Variants in PLEC observed in about 807,000 individuals in gnomAD.
PLEC encodes the protein hemidesmosomal protein 1.
In PLEC, 216 loss-of-function variants were observed where a neutral mutation model predicts 392.8. The observed-to-expected ratio is 0.55, with a 90% CI of 0.49 to 0.62. The LOEUF (loss-of-function observed/expected upper bound fraction) is 0.62, where lower values mean the gene tolerates loss of function less well. PLEC is among the 20% of genes least tolerant of loss of function. The pLI, the probability that PLEC is intolerant of heterozygous loss-of-function variation, is 0.00. For missense variants in PLEC, 6,863 were observed against 6,563.4 expected (o/e 1.05, Z -1.58); for synonymous variants, 3,621 against 2,980.6 (o/e 1.21, Z -7.00).
At chr8:143,937,327 C>G in intron 3 of PLEC, 85 bp from the exon 4 acceptor site, 1 of 1,018,074 alleles carries the variant, frequency 9.8e-7, no homozygotes, top group Non-Finnish European at 1.5e-6. Flanking sequence ...CCGCAGCAAC[C>G]GAGCCAAGGG....
At position 143,929,158 on chromosome 8, in the gene PLEC, G is replaced by C; in HGVS notation, c.3205C>G (p.Leu1069Val). The stretch of plus-strand genomic sequence containing the variant: ...ACCTGCTCCAGCTTGCCCAGCGTCA[G>C]CTCCAGCTCCGAGCGCAGCGTGGGG... ...AAPTLRSELE[L>V]TLGKLEQVRS... Residue 1069 changes from leucine to valine, a missense_variant, in exon 25 of 32, where the codon CTG becomes GTG. Leu to Val is a conservative substitution (Grantham distance 32). Transcript: ENST00000345136. The C allele has an allele frequency of 6.3e-7, 1 of 1,593,026 alleles. No homozygotes were observed. Among genetic ancestry groups the C allele is most frequent in the Non-Finnish European group, 8.5e-7 (1 of 1,171,570 alleles).
chr8:143,922,408 A>T lies in PLEC; in HGVS notation c.7426-13T>A, dbSNP rs2131252283. ...GCACCGTCTGCATCTGCAGAAGAAG[A>T]GGGTGTGATCAGGGACCGCCAGCCC... On this transcript the variant is annotated splice_polypyrimidine_tract_variant and intron_variant, in intron 31 of 31. Transcript: ENST00000345136. 1 of 1,600,800 alleles carries T rather than the reference A, an allele frequency of 6.2e-7. No homozygotes were observed. The highest frequency in any genetic ancestry group is 8.5e-7 in the Non-Finnish European group (1 of 1,179,866).
chr8:143,966,831 C>A (rs151265784), intron 1 of PLEC, among the ~76,000 whole-genome samples: 1 of 152,154 alleles, frequency 6.6e-6, no homozygotes, highest in African/African-American at 2.4e-5. Flanking sequence ...CACAAGCCCA[C>A]GGCCAGACCC....
chr8:143,922,436 G>C, intron 31 of PLEC, 41 bp from the exon 32 acceptor site: 1 of 1,600,438 alleles, frequency 6.2e-7, no homozygotes, highest in Non-Finnish European at 8.5e-7. Context: ...GCCAGCCCAG[G>C]AGCACCCATC....
chr8:143,920,877 G>T lies in PLEC; in HGVS notation c.8944C>A (p.Pro2982Thr). 1 of 1,610,920 alleles carries T rather than the reference G, an allele frequency of 6.2e-7. No individual in the cohort carries two copies. Among genetic ancestry groups the T allele is most frequent in the Middle Eastern group, 1.6e-4 (1 of 6,062 alleles). Residue 2982 changes from proline (P) to threonine (T), a missense_variant, in exon 32 of 32, where the codon CCA (proline) becomes ACA (threonine). Physicochemically the swap from Pro to Thr is conservative, Grantham distance 38. Transcript: ENST00000345136. Reference sequence around the variant, plus strand: ...CTGCTCTCCAGCAGCTCGGCGGCTGGCACCAGGCTGCGCAGGCCCTCAAAG... The same window carrying T: ...CTGCTCTCCAGCAGCTCGGCGGCTGTCACCAGGCTGCGCAGGCCCTCAAAG... Reference protein sequence around the residue: ...LCFEGLRSLVPAAELLESRVI... With the variant: ...LCFEGLRSLVTAAELLESRVI...
intron 1 of PLEC, among the ~76,000 whole-genome samples, chr8:143,964,464 C>A (rs1266145796): frequency 6.6e-6 from 1 of 152,170 alleles, no homozygotes; most frequent in Non-Finnish European, 1.5e-5. Flanking sequence ...GAGGCCGACA[C>A]TGGAGTGATG....
rs1554694093 is a variant in PLEC at position 143,923,768 on chromosome 8, T to C, written c.6161A>G (p.His2054Arg). 1.3e-6 allele frequency: 2 copies of C among 1,566,388 alleles called. No individual in the cohort carries two copies. Among genetic ancestry groups the C allele is most frequent in the Non-Finnish European group, 8.6e-7 (1 of 1,163,910 alleles). Residue 2054 changes from histidine (H) to arginine (R), a missense_variant, in exon 31 of 32, where the codon CAC becomes CGC. Transcript: ENST00000345136. ...QKRLQAEEKA[H>R]AFAVQQKEQE... ...CTCCTTCTGCTGCACCGCGAAGGCG[T>C]GTGCCTTCTCTTCCGCCTGCAGCCG...
At position 143,918,317 on chromosome 8, in the gene PLEC, T is replaced by C. The variant is rs1554674808; in HGVS notation, c.11504A>G (p.Asp3835Gly). 8.8e-6 allele frequency: 14 copies of C among 1,589,280 alleles called. No individual in the cohort carries two copies. In the African/African-American group the frequency reaches 1.6e-4, roughly 18 times the overall value. The change falls in exon 32 of 32, where the codon GAC becomes GGC. Residue 3835 changes from aspartate to glycine, a missense_variant. Transcript: ENST00000345136. ...CACCTCGCTGGGCTCTGACAGCTGG[T>C]CGTGCGTGTCCTTGTTGAGGTAGCC... is the stretch of plus-strand genomic sequence containing the variant. ...QRGYLNKDTH[D>G]QLSEPSEVRS...
upstream of PLEC, among the ~76,000 whole-genome samples, chr8:143,952,303 T>A (rs1832273149): frequency 6.6e-6 from 1 of 152,168 alleles, no homozygotes; most frequent in Non-Finnish European, 1.5e-5. Context: ...CCCACAGCCC[T>A]CTGGCAGGGC....
rs372793843 is a variant in PLEC at position 143,918,778 on chromosome 8, G to A, written c.11043C>T (p.Ser3681=). Residue 3681 remains serine (S), a synonymous_variant, in exon 32 of 32, where the codon TCC becomes TCT. Coordinates refer to ENST00000345136, the MANE Select transcript of PLEC (RefSeq NM_201384.3). ...RSLREALEAE[S]AWCYLYGTGS... ...CCGTGCCATAGAGGTAGCACCAGGCGGACTCCGCCTCGAGAGCCTCACGGA... is the reference window on the plus strand; with the variant it reads ...CCGTGCCATAGAGGTAGCACCAGGCAGACTCCGCCTCGAGAGCCTCACGGA... 82 of 1,613,122 alleles carry A rather than the reference G, an allele frequency of 5.1e-5. No homozygotes were observed. Among genetic ancestry groups the A allele is most frequent in the African/African-American group, 1.9e-4 (14 of 75,072 alleles).
upstream of PLEC, among the ~76,000 whole-genome samples, chr8:143,941,484 C>T (rs1289571486): frequency 6.6e-6 from 1 of 152,078 alleles, no homozygotes; most frequent in African/African-American, 2.4e-5. Context: ...CAGACACGGA[C>T]TCGGGCAAGG....
chr8:143,935,457 G>C, intron 6 of PLEC, 144 bp from the exon 7 acceptor site: 1 of 705,610 alleles, frequency 1.4e-6, no homozygotes, highest in Non-Finnish European at 2.5e-6. Context: ...CTGTCACATG[G>C]GCAGAGCTGA....
In PLEC at chr8:143,935,033, ACGTCCGGCACGCGGGGCATGG is replaced by A. The variant is rs1469065650; in HGVS notation, c.782_802del (p.Ala261_Asp267del). 2.5e-6 allele frequency: 4 copies of A among 1,612,600 alleles called. No individual in the cohort carries two copies. The highest frequency in any genetic ancestry group is 3.4e-6 in the Non-Finnish European group (4 of 1,179,898). The stretch of plus-strand genomic sequence containing the variant: ...CACGTTGGCCCTCACCCCATCCTGC[ACGTCCGGCACGCGGGGCATGG>A]CGTCATACAGCGACGAGACGTAGGT... On this transcript the variant is annotated inframe_deletion, in exon 8 of 32. Transcript: ENST00000345136.
chr8:143,919,431 G>T lies in PLEC; in HGVS notation c.10390C>A (p.Leu3464Met). 1 of 1,613,350 alleles carries T rather than the reference G, an allele frequency of 6.2e-7. No homozygotes were observed. The highest frequency in any genetic ancestry group is 8.5e-7 in the Non-Finnish European group (1 of 1,179,868). The change falls in exon 32 of 32, where the codon CTG becomes ATG. Residue 3464 changes from leucine to methionine, a missense_variant. Coordinates refer to ENST00000345136, the MANE Select transcript of PLEC (RefSeq NM_201384.3). ...GLVLRQHGIRLLEAQIATGGI... is the reference protein window; with the variant it reads ...GLVLRQHGIRMLEAQIATGGI... The stretch of plus-strand genomic sequence containing the variant: ...CCCGTGGCGATCTGGGCCTCCAGCA[G>T]GCGGATGCCGTGCTGCCGGAGAACC...
rs371389471 is a variant in PLEC, at chr8:143,926,767, C to T, written c.4044+17G>A. The T allele has an allele frequency of 3.1e-5, 49 of 1,601,276 alleles. No homozygotes were observed. Among genetic ancestry groups the T allele is most frequent in the East Asian group, 8.9e-5 (4 of 44,830 alleles). On this transcript the variant is annotated intron_variant, in intron 30 of 31. Coordinates refer to ENST00000345136, the MANE Select transcript of PLEC (RefSeq NM_201384.3). ...GAGATGGAACCCTCTGCCCAGCCTC[C>T]GCCCAACGGGCTGTACCTCCTCCTC...
At chr8:143,953,669 C>T, upstream of PLEC, 3 of 1,563,108 alleles carry the variant, frequency 1.9e-6, no homozygotes, top group Non-Finnish European at 2.6e-6. Flanking sequence ...CTGCACCCAG[C>T]CAGAGGTCAC....
Position 143,922,070 on chromosome 8 carries a change from T to A in PLEC, c.7751A>T (p.Glu2584Val). 1.3e-6 allele frequency: 2 copies of A among 1,584,034 alleles called. No homozygotes were observed. Among genetic ancestry groups the A allele is most frequent in the Non-Finnish European group, 1.7e-6 (2 of 1,173,132 alleles). The part of the protein sequence containing the change: ...QQLEQQRRQQ[E>V]ELLAEENQRL... ...CTGGTTCTCCTCAGCCAGCAGCTCC[T>A]CCTGCTGCCGCCGCTGCTGCTCCAG... is the stretch of plus-strand genomic sequence containing the variant. Residue 2584 changes from glutamate (E) to valine (V), a missense_variant, in exon 32 of 32, where the codon GAG (glutamate) becomes GTG (valine). Glu to Val is a moderately radical substitution (Grantham distance 121). Coordinates refer to ENST00000345136, the MANE Select transcript of PLEC (RefSeq NM_201384.3).
intron 1 of PLEC, among the ~76,000 whole-genome samples, chr8:143,946,081 C>A (rs1831425185): frequency 6.6e-6 from 1 of 152,264 alleles, no homozygotes. Context: ...GACTCAATGG[C>A]CTGGGTGAGA....
At chr8:143,939,224 C>T (rs1829911690) in intron 1 of PLEC, 126 bp downstream of exon 1, 2 of 1,312,096 alleles carry the variant, frequency 1.5e-6, no homozygotes, top group Non-Finnish European at 2.1e-6. Context: ...GGATGGCTGG[C>T]CCCCGACCCC....
Sources: gnomAD v4.1 joint callset for allele counts (sites outside exome capture counted in the v4.1 genomes callset) on GRCh38, gnomAD v4.1.1 for gene constraint, MANE v1.5 for transcripts, NCBI Gene and HGNC (gene_info 2026-07-23, HGNC 2026-07-21) for gene names.